Variants in PDE4D observed in about 807,000 individuals in gnomAD.
The protein encoded by PDE4D is 3',5'-cyclic-AMP phosphodiesterase 4D.
PDE4D carries 24 observed loss-of-function variants against 87.4 expected under a neutral mutation model. The ratio of observed to expected loss-of-function variants is 0.27; its 90% CI spans 0.20 to 0.39. PDE4D has a LOEUF of 0.39. PDE4D is among the 10% of genes least tolerant of loss of function. PDE4D has a pLI of 1.00. For synonymous variants in PDE4D, 384 were observed against 383.2 expected (o/e 1.00, Z -0.02); for missense variants, 714 against 1,041.0 (o/e 0.69, Z 4.32).
intron 3 of PDE4D, among the ~76,000 whole-genome samples, chr5:59,920,334 C>G (rs1366951906): frequency 6.6e-6 from 1 of 152,174 alleles, no homozygotes. Context: ...AGTAAAATAA[C>G]TGTATTTCTA....
chr5:59,088,085 GGAT>G (rs144039617), intron 5 of PDE4D, among the ~76,000 whole-genome samples: 4,210 of 152,174 alleles, frequency 0.028, 230 homozygotes, highest in African/African-American at 0.097. Context: ...TTAAATAGAT[GGAT>G]GACCTTTATT....
intron 1 of PDE4D, among the ~76,000 whole-genome samples, chr5:60,216,609 T>A (rs566985930): frequency 6.6e-6 from 1 of 152,048 alleles, no homozygotes; most frequent in East Asian, 1.9e-4. Flanking sequence ...AAATATTCCA[T>A]GTAAAGAGTT....
In PDE4D at chr5:59,940,359, G is replaced by A. The variant is rs553488483; in HGVS notation, c.272+48129C>T. Among the ~76,000 whole-genome samples, 8 of 152,198 alleles carry A rather than the reference G, an allele frequency of 5.3e-5. No homozygotes were observed. In the South Asian group the frequency reaches 1.2e-3, roughly 24 times the overall value. ...ATTAGATTGGATACCAGTTAGGAGGGTGCTCCTAATTTGGGCACCAGATAG... is the reference window on the plus strand; with the variant it reads ...ATTAGATTGGATACCAGTTAGGAGGATGCTCCTAATTTGGGCACCAGATAG... On this transcript the variant is annotated intron_variant, in intron 3 of 16. Transcript: ENST00000502484.
intron 1 of PDE4D, among the ~76,000 whole-genome samples, chr5:60,512,986 A>G (rs962555137): frequency 6.6e-6 from 1 of 152,222 alleles, no homozygotes; most frequent in Non-Finnish European, 1.5e-5. Context: ...ACAGAGCAGG[A>G]AAAGTGGAAA....
At chr5:59,873,126 A>G (rs1748070281) in intron 1 of PDE4D, among the ~76,000 whole-genome samples, 2 of 152,244 alleles carry the variant, frequency 1.3e-5, no homozygotes, top group Non-Finnish European at 2.9e-5. Context: ...GAAAAGAAAT[A>G]TATACTACAT....
At chr5:59,363,000 T>C (rs1782470093) in intron 1 of PDE4D, among the ~76,000 whole-genome samples, 1 of 152,152 alleles carries the variant, frequency 6.6e-6, no homozygotes, top group South Asian at 2.1e-4. Context: ...TCAGACCCCT[T>C]CCTTACTTGG....
chr5:59,257,696 T>C (rs1035579121), intron 1 of PDE4D, among the ~76,000 whole-genome samples: 3 of 152,022 alleles, frequency 2.0e-5, no homozygotes, highest in African/African-American at 7.2e-5. Context: ...ACTTGCTACT[T>C]AAAGTCAAAG....
At chr5:59,335,451 T>C (rs1777490824) in intron 1 of PDE4D, among the ~76,000 whole-genome samples, 1 of 152,196 alleles carries the variant, frequency 6.6e-6, no homozygotes, top group Non-Finnish European at 1.5e-5. Context: ...ATGGCTGTGG[T>C]TATCAATCTT....
At chr5:59,406,813 T>G (rs1175130614) in intron 1 of PDE4D, among the ~76,000 whole-genome samples, 1 of 152,240 alleles carries the variant, frequency 6.6e-6, no homozygotes, top group Non-Finnish European at 1.5e-5. Context: ...ATGTGATAAC[T>G]TGTCATCTGT....
At chr5:60,119,023 C>G (rs1778422315) in intron 2 of PDE4D, among the ~76,000 whole-genome samples, 1 of 152,160 alleles carries the variant, frequency 6.6e-6, no homozygotes, top group Non-Finnish European at 1.5e-5. Context: ...CCAACTGATT[C>G]TTCCTGAAAC....
intron 1 of PDE4D, among the ~76,000 whole-genome samples, chr5:59,873,308 A>C (rs1748097679): frequency 6.6e-6 from 1 of 152,202 alleles, no homozygotes; most frequent in African/African-American, 2.4e-5. Flanking sequence ...ATCTTGAAGC[A>C]ATCTGGTAGT....
At chr5:60,334,992 G>A (rs1757620898) in intron 1 of PDE4D, 1 of 152,018 alleles carries the variant, frequency 6.6e-6, no homozygotes, top group South Asian at 2.1e-4. Context: ...CCTATATATA[G>A]CAAAATACAC....
At chr5:59,080,628 A>T (rs1391651) in intron 5 of PDE4D, among the ~76,000 whole-genome samples, 2 of 151,962 alleles carry the variant, frequency 1.3e-5, no homozygotes, top group Non-Finnish European at 2.9e-5. Flanking sequence ...GGCAAAAGCT[A>T]CAGGGCAAAA....
chr5:60,406,406 C>T (rs915589185), intron 1 of PDE4D, among the ~76,000 whole-genome samples: 3 of 152,092 alleles, frequency 2.0e-5, no homozygotes, highest in African/African-American at 4.8e-5. Flanking sequence ...TCTCAGTGCA[C>T]GATTTATAAC....
At chr5:59,656,412 C>T (rs1744368407) in intron 1 of PDE4D, among the ~76,000 whole-genome samples, 2 of 152,218 alleles carry the variant, frequency 1.3e-5, no homozygotes, top group South Asian at 4.1e-4. Context: ...TCTTAATCTT[C>T]CTTTCTCCAG....
chr5:59,426,384 C>T (rs1372444294), intron 1 of PDE4D, among the ~76,000 whole-genome samples: 1 of 152,184 alleles, frequency 6.6e-6, no homozygotes, highest in Non-Finnish European at 1.5e-5. Flanking sequence ...TTTACCTTCA[C>T]TCACACTTAC....
chr5:59,773,643 C>T (rs1763795337), intron 1 of PDE4D, among the ~76,000 whole-genome samples: 1 of 152,116 alleles, frequency 6.6e-6, no homozygotes, highest in African/African-American at 2.4e-5. Context: ...TTTAATTAAA[C>T]TCCATGATAG....
chr5:59,178,086 C>G (rs1201405436), intron 5 of PDE4D, among the ~76,000 whole-genome samples: 2 of 152,136 alleles, frequency 1.3e-5, no homozygotes, highest in Non-Finnish European at 2.9e-5. Flanking sequence ...TTCTGAGTGT[C>G]TCAAATCTTA....
At chr5:59,445,459 G>A in intron 1 of PDE4D, among the ~76,000 whole-genome samples, 1 of 152,302 alleles carries the variant, frequency 6.6e-6, no homozygotes, top group Admixed American at 6.5e-5. Context: ...TATGCAGGCT[G>A]AACTGCCTGA....
Sources: allele counts gnomAD v4.1 joint callset (sites outside exome capture counted in the v4.1 genomes callset), GRCh38; gene constraint gnomAD v4.1.1; transcripts MANE v1.5; gene names NCBI Gene and HGNC (gene_info 2026-07-23, HGNC 2026-07-21).